Variants in EML4 observed in about 807,000 individuals in gnomAD.
EML4 encodes echinoderm microtubule-associated protein-like 4.
EML4 carries 72 observed loss-of-function variants against 129.0 expected under a neutral mutation model. The ratio of observed to expected loss-of-function variants is 0.56; its 90% CI spans 0.46 to 0.68. The LOEUF (loss-of-function observed/expected upper bound fraction) is 0.68, where lower values mean the gene tolerates loss of function less well. Ranked by LOEUF, EML4 falls within the 30% of genes least tolerant of loss-of-function variation. EML4 has a pLI of 0.00. For missense variants in EML4, 1,363 were observed against 1,190.6 expected, an observed-to-expected ratio of 1.14 and a Z score of -2.13; for synonymous variants, 532 against 405.0, an observed-to-expected ratio of 1.31 and a Z score of -3.77.
rs181936652 is a variant in EML4 at position 42,221,939 on chromosome 2, T to C, written c.26-23566T>C. On this transcript the variant is annotated intron_variant, in intron 1 of 22. Coordinates refer to ENST00000318522, the MANE Select transcript of EML4 (RefSeq NM_019063.5). ...TTTGTAGAGACAGTGTTTCATCATG[T>C]TGCCCAGGGTGGTCTCGAACTCCTG... Among the ~76,000 whole-genome samples the C allele has an allele frequency of 3.2e-4, 48 of 152,178 alleles. 1 individual carries two copies. In the East Asian group the frequency reaches 8.3e-3, roughly 26 times the overall value.
chr2:42,197,462 G>A (rs1306939396), intron 1 of EML4, among the ~76,000 whole-genome samples: 1 of 152,064 alleles, frequency 6.6e-6, no homozygotes, highest in Non-Finnish European at 1.5e-5. Flanking sequence ...TCTATTGGCA[G>A]GAGGTGATAA....
At chr2:42,247,898 G>C (rs1442772970) in intron 2 of EML4, among the ~76,000 whole-genome samples, 1 of 152,042 alleles carries the variant, frequency 6.6e-6, no homozygotes. Flanking sequence ...CAGAACCCGA[G>C]GGTACATATA....
At chr2:42,270,538 C>T (rs569687128) in intron 6 of EML4, among the ~76,000 whole-genome samples, 4 of 152,284 alleles carry the variant, frequency 2.6e-5, no homozygotes, top group Admixed American at 6.5e-5. Flanking sequence ...GCTCCAGGCA[C>T]ATTTAGTCCT....
intron 14 of EML4, 122 bp downstream of exon 14, chr2:42,301,514 C>T (rs959889103): frequency 7.5e-6 from 6 of 805,204 alleles, no homozygotes; most frequent in African/African-American, 1.8e-5. Flanking sequence ...CATTTCCTTT[C>T]CTCAAGAAAG....
rs755869215 is a variant in EML4 at position 42,263,292 on chromosome 2, C to G, written c.627C>G (p.Thr209=). 1.9e-6 allele frequency: 3 copies of G among 1,610,070 alleles called. No homozygotes were observed. In the Admixed American group the frequency reaches 5.0e-5, roughly 27 times the overall value. ...PSTPKLIPKV[T]KTADKHKDVI... is the part of the protein sequence containing the mutation. ...CACCCAAATTAATACCAAAAGTTAC[C>G]AAAACTGCAGACAAGTAAGTATTGC... The change falls in exon 5 of 23, where the codon ACC becomes ACG. Residue 209 remains threonine, a synonymous_variant. Transcript: ENST00000318522.
intron 2 of EML4, among the ~76,000 whole-genome samples, chr2:42,251,140 G>A (rs1191675708): frequency 1.3e-5 from 2 of 152,168 alleles, no homozygotes; most frequent in Non-Finnish European, 2.9e-5. Flanking sequence ...TTTCTAACAG[G>A]CCACAAAGGT....
intron 1 of EML4, among the ~76,000 whole-genome samples, chr2:42,244,620 A>C (rs1242724208): frequency 6.6e-6 from 1 of 152,174 alleles, no homozygotes; most frequent in African/African-American, 2.4e-5. Context: ...GGTGGAGAGA[A>C]GGAGCAGCAA....
At position 42,261,272 on chromosome 2, in the gene EML4, A is replaced by C. The variant is rs1245166179; in HGVS notation, c.490A>C (p.Lys164Gln). Residue 164 changes from lysine (K) to glutamine (Q), a missense_variant, in exon 4 of 23, where the codon AAG (lysine) becomes CAG (glutamine). Lys to Gln is a moderately conservative substitution (Grantham distance 53, BLOSUM62 1). Coordinates refer to ENST00000318522, the MANE Select transcript of EML4 (RefSeq NM_019063.5). Reference protein sequence around the residue: ...LQIHRQTPESKNATPTKSIKR... With the variant: ...LQIHRQTPESQNATPTKSIKR... The stretch of plus-strand genomic sequence containing the variant: ...AATACACAGACAAACTCCAGAAAGC[A>C]AGAATGCTACTCCCACCAAAAGGTT... 1 of 1,613,686 alleles carries C rather than the reference A, an allele frequency of 6.2e-7. No homozygotes were observed. Among genetic ancestry groups the C allele is most frequent in the Admixed American group, 1.7e-5 (1 of 59,978 alleles).
At chr2:42,275,163 T>C (rs111847919) in intron 6 of EML4, among the ~76,000 whole-genome samples, 211 of 152,374 alleles carry the variant, frequency 1.4e-3, no homozygotes, top group Non-Finnish European at 2.7e-3. Flanking sequence ...ATATTAAGTT[T>C]TAATAGCATA....
intron 19 of EML4, among the ~76,000 whole-genome samples, chr2:42,318,439 A>G (rs1014839647): frequency 1.3e-5 from 2 of 152,196 alleles, no homozygotes; most frequent in African/African-American, 4.8e-5. Flanking sequence ...GCCTTTTTGC[A>G]TATTTTATAC....
intron 22 of EML4, 151 bp downstream of exon 22, chr2:42,329,167 G>C: frequency 1.5e-6 from 1 of 674,678 alleles, no homozygotes; most frequent in Non-Finnish European, 2.3e-6. Context: ...CATCCATCCA[G>C]GCAGTGCTTG....
chr2:42,225,417 A>G (rs1468526955), intron 1 of EML4, among the ~76,000 whole-genome samples: 1 of 152,148 alleles, frequency 6.6e-6, no homozygotes, highest in Non-Finnish European at 1.5e-5. Flanking sequence ...GTGCTTATTG[A>G]TAATTTGTAT....
At chr2:42,255,373 C>CG (rs1676068890) in intron 2 of EML4, among the ~76,000 whole-genome samples, 1 of 152,094 alleles carries the variant, frequency 6.6e-6, no homozygotes. Context: ...GCTGAGCCAC[C>CG]GCGCCCAGCC....
At chr2:42,207,526 T>C (rs1672632912) in intron 1 of EML4, among the ~76,000 whole-genome samples, 1 of 152,206 alleles carries the variant, frequency 6.6e-6, no homozygotes, top group Non-Finnish European at 1.5e-5. Flanking sequence ...TGAACCACTT[T>C]TTAATTTGTT....
intron 1 of EML4, among the ~76,000 whole-genome samples, chr2:42,196,693 G>A (rs1296952185): frequency 6.6e-6 from 1 of 152,226 alleles, no homozygotes; most frequent in African/African-American, 2.4e-5. Context: ...ATGCAGTAAC[G>A]TAATTTCCTT....
At chr2:42,246,450 A>G (rs1183748704) in intron 2 of EML4, among the ~76,000 whole-genome samples, 1 of 152,200 alleles carries the variant, frequency 6.6e-6, no homozygotes, top group East Asian at 1.9e-4. Flanking sequence ...TCCTACTTCG[A>G]TGTCAATGTA....
At chr2:42,294,450 C>G (rs951692727) in intron 11 of EML4, among the ~76,000 whole-genome samples, 1 of 152,208 alleles carries the variant, frequency 6.6e-6, no homozygotes, top group Admixed American at 6.5e-5. Flanking sequence ...AATCCCAGCC[C>G]TTTGGGAGGC....
chr2:42,244,547 C>T (rs755691115), intron 1 of EML4, among the ~76,000 whole-genome samples: 30 of 152,120 alleles, frequency 2.0e-4, no homozygotes, highest in Non-Finnish European at 3.8e-4. Flanking sequence ...CTGTTACATA[C>T]CTAAGGCAAA....
At chr2:42,294,215 C>T (rs1000944175) in intron 11 of EML4, among the ~76,000 whole-genome samples, 2 of 152,150 alleles carry the variant, frequency 1.3e-5, no homozygotes, top group African/African-American at 4.8e-5. Flanking sequence ...TGTATTCTTC[C>T]TAGTCCACCA....
Sources: allele counts gnomAD v4.1 joint callset (sites outside exome capture counted in the v4.1 genomes callset), GRCh38; gene constraint gnomAD v4.1.1; transcripts MANE v1.5; gene names NCBI Gene and HGNC (gene_info 2026-07-23, HGNC 2026-07-21).